Variants in GALNTL6 observed in about 807,000 individuals in gnomAD.
GALNTL6 encodes polypeptide N-acetylgalactosaminyltransferase-like 6.
GALNTL6 carries 46 observed loss-of-function variants against 73.7 expected under a neutral mutation model. That is an observed-to-expected ratio of 0.62 (90% CI 0.49 to 0.80). The LOEUF (loss-of-function observed/expected upper bound fraction) is 0.80, where lower values mean the gene tolerates loss of function less well. GALNTL6 is among the 30% of genes least tolerant of loss of function. The pLI is 0.00. For synonymous variants in GALNTL6, 259 were observed against 263.7 expected, an observed-to-expected ratio of 0.98 and a Z score of 0.17; for missense variants, 604 against 755.0, an observed-to-expected ratio of 0.80 and a Z score of 2.34.
At chr4:172,171,030 T>A (rs888604382) in intron 2 of GALNTL6, among the ~76,000 whole-genome samples, 2 of 152,210 alleles carry the variant, frequency 1.3e-5, no homozygotes, top group African/African-American at 4.8e-5. Context: ...AGTTTATCTC[T>A]CATCATTTAT....
chr4:172,436,057 G>A (rs1009916293), intron 5 of GALNTL6, among the ~76,000 whole-genome samples: 5 of 152,038 alleles, frequency 3.3e-5, no homozygotes, highest in African/African-American at 1.2e-4. Context: ...TCTCCTTTCC[G>A]TATCTAAATG....
In GALNTL6 at chr4:172,655,774, C is replaced by CA. The variant is rs535374588; in HGVS notation, c.554-153581dup. ...CTGTTCTTGAAAATATTTTATTTTACAAAAAATAAGATAAGTTAAATGTAT... is the reference window on the plus strand; with the variant it reads ...CTGTTCTTGAAAATATTTTATTTTACAAAAAAATAAGATAAGTTAAATGTAT... On this transcript the variant is annotated intron_variant, in intron 5 of 12. Transcript: ENST00000506823. Among the ~76,000 whole-genome samples the CA allele has an allele frequency of 2.2e-4, 33 of 152,010 alleles. No homozygotes were observed. The South Asian group carries it at 5.2e-3, about 24-fold the overall frequency.
intron 2 of GALNTL6, among the ~76,000 whole-genome samples, chr4:172,138,476 C>CATATATAT (rs1240422164): frequency 5.5e-5 from 1 of 18,332 alleles, no homozygotes; most frequent in African/African-American, 2.2e-4. Context: ...ACTTGGACTG[C>CATATATAT]CTATATATAT....
intron 2 of GALNTL6, among the ~76,000 whole-genome samples, chr4:171,843,804 C>G (rs1326112384): frequency 6.6e-6 from 1 of 152,070 alleles, no homozygotes; most frequent in Non-Finnish European, 1.5e-5. Flanking sequence ...ATAAAGATGT[C>G]TGGTGGTTAA....
At chr4:173,003,394 G>A (rs941891056) in intron 10 of GALNTL6, among the ~76,000 whole-genome samples, 1 of 152,150 alleles carries the variant, frequency 6.6e-6, no homozygotes, top group African/African-American at 2.4e-5. Context: ...GCAATGCTGG[G>A]CCAAGGCTTG....
At chr4:172,387,914 T>A (rs1406602182) in intron 5 of GALNTL6, among the ~76,000 whole-genome samples, 1 of 152,192 alleles carries the variant, frequency 6.6e-6, no homozygotes, top group Non-Finnish European at 1.5e-5. Context: ...TCTTCAAACT[T>A]CATCTTTACC....
intron 5 of GALNTL6, among the ~76,000 whole-genome samples, chr4:172,515,805 A>T (rs560237111): frequency 6.6e-6 from 1 of 152,160 alleles, no homozygotes; most frequent in Non-Finnish European, 1.5e-5. Context: ...CCAGCACCTA[A>T]AAAATTTAGG....
At chr4:172,077,431 A>C (rs574884276) in intron 2 of GALNTL6, among the ~76,000 whole-genome samples, 86 of 152,248 alleles carry the variant, frequency 5.6e-4, no homozygotes, top group African/African-American at 1.8e-3. Context: ...TGGGAACAGG[A>C]GTAAAGGTCA....
intron 5 of GALNTL6, among the ~76,000 whole-genome samples, chr4:172,774,565 T>C (rs1302742131): frequency 6.6e-6 from 1 of 152,230 alleles, no homozygotes; most frequent in African/African-American, 2.4e-5. Context: ...ACCTAAGTAT[T>C]GTTTAAGAAT....
chr4:171,858,694 A>G (rs1735753172), intron 2 of GALNTL6, among the ~76,000 whole-genome samples: 1 of 152,148 alleles, frequency 6.6e-6, no homozygotes, highest in Non-Finnish European at 1.5e-5. Context: ...ATACAAATGT[A>G]TCTTCTTTTT....
intron 5 of GALNTL6, among the ~76,000 whole-genome samples, chr4:172,742,561 A>C (rs2332549): frequency 0.36 from 54,320 of 151,602 alleles, 10,752 homozygotes; most frequent in African/African-American, 0.52. Context: ...ACAAAGTTAC[A>C]GGGATAGGTA....
At chr4:171,854,269 G>A (rs1393002177) in intron 2 of GALNTL6, among the ~76,000 whole-genome samples, 1 of 152,102 alleles carries the variant, frequency 6.6e-6, no homozygotes, top group Non-Finnish European at 1.5e-5. Context: ...TCATATTCAG[G>A]AAAGCTGCTC....
intron 5 of GALNTL6, among the ~76,000 whole-genome samples, chr4:172,682,596 G>A (rs1440388100): frequency 6.6e-6 from 1 of 152,106 alleles, no homozygotes; most frequent in Non-Finnish European, 1.5e-5. Flanking sequence ...CAAACATTGT[G>A]CTTAAATATT....
At chr4:172,642,263 A>G (rs1013321911) in intron 5 of GALNTL6, among the ~76,000 whole-genome samples, 39 of 152,096 alleles carry the variant, frequency 2.6e-4, no homozygotes, top group Non-Finnish European at 1.2e-4. Flanking sequence ...TGTGTCAAAG[A>G]GATATCTGCA....
At chr4:172,605,215 A>G (rs1346465854) in intron 5 of GALNTL6, among the ~76,000 whole-genome samples, 1 of 152,180 alleles carries the variant, frequency 6.6e-6, no homozygotes, top group Non-Finnish European at 1.5e-5. Flanking sequence ...ACTTAAACAT[A>G]GGTCTGTAAA....
rs151087132 is a variant in GALNTL6, at chr4:172,354,186, A to G, written c.553+5497A>G. Among the ~76,000 whole-genome samples, 435 of 152,198 alleles carry G rather than the reference A, an allele frequency of 2.9e-3. 22 individuals carry two copies. In the East Asian group the frequency reaches 0.073, roughly 26 times the overall value. On this transcript the variant is annotated intron_variant, in intron 5 of 12. Coordinates refer to ENST00000506823, the MANE Select transcript of GALNTL6 (RefSeq NM_001034845.3). Reference sequence around the variant, plus strand: ...TACTTCACTAGATTATAAGACAAGCAATTTTTATGTCTCAGATTTATTGAG... The same window carrying G: ...TACTTCACTAGATTATAAGACAAGCGATTTTTATGTCTCAGATTTATTGAG...
intron 7 of GALNTL6, among the ~76,000 whole-genome samples, chr4:172,833,160 T>C (rs1742731245): frequency 6.6e-6 from 1 of 152,136 alleles, no homozygotes; most frequent in Admixed American, 6.6e-5. Flanking sequence ...AAATATCCAT[T>C]GCACCTGGCC....
At chr4:172,884,437 C>T (rs990276122) in intron 8 of GALNTL6, among the ~76,000 whole-genome samples, 5 of 152,108 alleles carry the variant, frequency 3.3e-5, no homozygotes, top group African/African-American at 1.2e-4. Flanking sequence ...AATGTCTATT[C>T]ATGTATTATG....
At chr4:172,722,866 G>A (rs193076761) in intron 5 of GALNTL6, among the ~76,000 whole-genome samples, 31 of 152,250 alleles carry the variant, frequency 2.0e-4, no homozygotes, top group African/African-American at 7.5e-4. Context: ...TTCTATTGCT[G>A]CCATAACAAA....
Sources: allele counts gnomAD v4.1 joint callset (sites outside exome capture counted in the v4.1 genomes callset), GRCh38; gene constraint gnomAD v4.1.1; transcripts MANE v1.5; gene names NCBI Gene and HGNC (gene_info 2026-07-23, HGNC 2026-07-21).